The following ITM2B variants were observed in gnomAD, a reference collection of about 807,000 sequenced individuals.
ITM2B encodes the protein integral membrane protein 2B.
Under a neutral mutation model 27.8 loss-of-function variants are expected in ITM2B, and 11 were observed. The ratio of observed to expected loss-of-function variants is 0.40; its 90% CI spans 0.25 to 0.66. The LOEUF is 0.66. ITM2B is among the 30% of genes least tolerant of loss of function. The probability of loss-of-function intolerance (pLI) is 0.43; values close to 1 mark genes in which losing one functional copy is unlikely to be tolerated. For synonymous variants in ITM2B, 114 were observed against 114.3 expected, an observed-to-expected ratio of 1.00 and a Z score of 0.02; for missense variants, 296 against 328.9, an observed-to-expected ratio of 0.90 and a Z score of 0.77.
chr13:48,247,388 G>T (rs1327649521), intron 1 of ITM2B, among the ~76,000 whole-genome samples: 1 of 152,060 alleles, frequency 6.6e-6, no homozygotes, highest in Non-Finnish European at 1.5e-5. Flanking sequence ...AACACTAAGA[G>T]TTGTTTTCCT....
chr13:48,261,311 T>G lies in ITM2B; in HGVS notation c.*87T>G. 2 of 926,606 alleles carry G rather than the reference T, an allele frequency of 2.2e-6. No individual in the cohort carries two copies. The highest frequency in any genetic ancestry group is 3.5e-6 in the Non-Finnish European group (2 of 564,256). 57.4% of individuals were successfully genotyped at this position (926,606 alleles called of 1,614,324 possible). On this transcript the variant is annotated 3_prime_UTR_variant, in exon 6 of 6. Coordinates refer to ENST00000647800, the MANE Select transcript of ITM2B (RefSeq NM_021999.5). ...TTTGTGCAGTGATTATTTTTTAAAG[T>G]CTTCTTTCATGTAAGTAGCAAACAG...
rs9316370 is a variant in ITM2B at position 48,260,529 on chromosome 13, C to T, written c.716-610C>T. Among the ~76,000 whole-genome samples, 1,009 of 143,240 alleles carry T rather than the reference C, an allele frequency of 7.0e-3. 9 individuals carry two copies. Among genetic ancestry groups the T allele is most frequent in the African/African-American group, 0.024 (970 of 40,128 alleles). The allele number at this position is 143,240 out of a possible 152,430, so 94.0% of individuals were successfully genotyped here. On this transcript the variant is annotated intron_variant, in intron 5 of 5. Transcript: ENST00000647800. ...TACCTCCTCCCTCCCTCCCTCCCTT[C>T]CTTATAGTCCTCAGTATGTATCATT...
At chr13:48,255,221 AGTGTGTGTAGTGT>A (rs1314940026) in intron 2 of ITM2B, among the ~76,000 whole-genome samples, 9 of 129,288 alleles carry the variant, frequency 7.0e-5, no homozygotes, top group African/African-American at 3.0e-4. Context: ...TTGTGTGTGT[AGTGTGTGTAGTGT>A]GTGTGTGTGT....
rs79893878 is a variant in ITM2B at position 48,269,127 on chromosome 13, G to T, written c.*7903G>T. Reference sequence around the variant, plus strand: ...TTCCTCCCATGGTTTCCTCATCTCAGCTCCTTTTTTTTTCCAGTTGCACAG... The same window carrying T: ...TTCCTCCCATGGTTTCCTCATCTCATCTCCTTTTTTTTTCCAGTTGCACAG... On this transcript the variant is annotated 3_prime_UTR_variant, in exon 6 of 6. Coordinates refer to ENST00000647800, the MANE Select transcript of ITM2B (RefSeq NM_021999.5). 6.6e-6 allele frequency: 1 copy of T among 152,072 alleles called. No individual in the cohort carries two copies. Among genetic ancestry groups the T allele is most frequent in the East Asian group, 1.9e-4 (1 of 5,186 alleles). 9.4% of individuals were successfully genotyped at this position (152,072 alleles called of 1,614,324 possible). A position where few individuals can be genotyped will look rare whatever the true frequency, so the allele number is the denominator to read the frequency against.
At chr13:48,255,718 A>T (rs1400028246) in intron 2 of ITM2B, among the ~76,000 whole-genome samples, 1 of 152,256 alleles carries the variant, frequency 6.6e-6, no homozygotes, top group African/African-American at 2.4e-5. Flanking sequence ...GTATATGCAT[A>T]TAGAAATTTC....
rs1281525704 is a variant in ITM2B, at chr13:48,261,359, A to G, written c.*135A>G. On this transcript the variant is annotated 3_prime_UTR_variant, in exon 6 of 6. Coordinates refer to ENST00000647800, the MANE Select transcript of ITM2B (RefSeq NM_021999.5). Reference sequence around the variant, plus strand: ...CAGGGCTTTACTATCTTTTCATCTCATTAATTCAATTAAAACCATTACCTT... The same window carrying G: ...CAGGGCTTTACTATCTTTTCATCTCGTTAATTCAATTAAAACCATTACCTT... The G allele has an allele frequency of 1.5e-6, 1 of 667,562 alleles. No individual in the cohort carries two copies. The highest frequency in any genetic ancestry group is 1.8e-5 in the African/African-American group (1 of 54,712). The allele number at this position is 667,562 out of a possible 1,614,324, so 41.4% of individuals were successfully genotyped here. A position where few individuals can be genotyped will look rare whatever the true frequency, so the allele number is the denominator to read the frequency against.
intron 1 of ITM2B, among the ~76,000 whole-genome samples, chr13:48,238,713 T>C (rs910406556): frequency 6.6e-6 from 1 of 152,186 alleles, no homozygotes; most frequent in Non-Finnish European, 1.5e-5. Context: ...CTTTGAAATT[T>C]TGAAATATTT....
chr13:48,257,998 T>C (rs1951799737), intron 3 of ITM2B, 128 bp from the exon 4 acceptor site: 5 of 632,544 alleles, frequency 7.9e-6, no homozygotes, highest in African/African-American at 7.3e-5. Context: ...TCTGAATTTG[T>C]TGAAATGCAA....
At chr13:48,249,793 T>A (rs1951743043) in intron 1 of ITM2B, among the ~76,000 whole-genome samples, 1 of 152,172 alleles carries the variant, frequency 6.6e-6, no homozygotes, top group African/African-American at 2.4e-5. Flanking sequence ...CACCCTTTGC[T>A]AGTTTGCAAA....
intron 1 of ITM2B, among the ~76,000 whole-genome samples, chr13:48,251,389 A>G (rs573235368): frequency 2.6e-5 from 4 of 152,106 alleles, no homozygotes; most frequent in East Asian, 1.9e-4. Flanking sequence ...GCATTTTCCT[A>G]TTAGAGTTTG....
At chr13:48,248,623 A>G (rs1049568485) in intron 1 of ITM2B, among the ~76,000 whole-genome samples, 2 of 152,142 alleles carry the variant, frequency 1.3e-5, no homozygotes, top group African/African-American at 2.4e-5. Flanking sequence ...GAGGTGTCCA[A>G]TCTTTTGGCT....
Position 48,263,593 on chromosome 13 carries a change from G to A in ITM2B, c.*2369G>A, listed in dbSNP as rs754782377. On this transcript the variant is annotated 3_prime_UTR_variant, in exon 6 of 6. Transcript: ENST00000647800. ...TCTTGAGTTCTGTCTTAGTCCATTC[G>A]GGCTACTATAACAAAATACCATAGA... 6 of 151,996 alleles carry A rather than the reference G, an allele frequency of 3.9e-5. No homozygotes were observed. Among genetic ancestry groups the A allele is most frequent in the Non-Finnish European group, 1.5e-5 (1 of 68,022 alleles). The allele number at this position is 151,996 out of a possible 1,614,324, so 9.4% of individuals were successfully genotyped here. A position where few individuals can be genotyped will look rare whatever the true frequency, so the allele number is the denominator to read the frequency against.
intron 1 of ITM2B, among the ~76,000 whole-genome samples, chr13:48,250,627 A>C (rs1341698238): frequency 6.6e-6 from 1 of 152,152 alleles, no homozygotes; most frequent in Non-Finnish European, 1.5e-5. Flanking sequence ...CAAAAAAAAA[A>C]AAAAGATCTA....
At chr13:48,251,440 G>A (rs1284381842) in intron 1 of ITM2B, among the ~76,000 whole-genome samples, 1 of 151,932 alleles carries the variant, frequency 6.6e-6, no homozygotes, top group Admixed American at 6.6e-5. Context: ...TCTGTTTTCC[G>A]GACTGATCTA....
chr13:48,258,556 CG>C (rs1566164081), intron 4 of ITM2B, among the ~76,000 whole-genome samples: 1 of 152,000 alleles, frequency 6.6e-6, no homozygotes, highest in Admixed American at 6.6e-5. Flanking sequence ...AAAAACAAGC[CG>C]GGGGCGGTGG....
In ITM2B at chr13:48,266,594, C is replaced by T. The variant is rs1951854695; in HGVS notation, c.*5370C>T. 6.6e-6 allele frequency: 1 copy of T among 152,124 alleles called. No individual in the cohort carries two copies. Among genetic ancestry groups the T allele is most frequent in the South Asian group, 2.1e-4 (1 of 4,828 alleles). 9.4% of individuals were successfully genotyped at this position (152,124 alleles called of 1,614,324 possible). ...AGAAAAAAAGGAAATACGGTATCTA[C>T]TTCACTAAAACCAAAGGGGGTTTTT... On this transcript the variant is annotated 3_prime_UTR_variant, in exon 6 of 6. Coordinates refer to ENST00000647800, the MANE Select transcript of ITM2B (RefSeq NM_021999.5).
At chr13:48,260,958 T>C (rs539607569) in intron 5 of ITM2B, among the ~76,000 whole-genome samples, 181 bp from the exon 6 acceptor site, 5 of 152,194 alleles carry the variant, frequency 3.3e-5, no homozygotes, top group Admixed American at 6.5e-5. Context: ...AAGATATTAA[T>C]ACTTGGTTCA....
At chr13:48,233,506 G>C in intron 1 of ITM2B, 29 bp downstream of exon 1, 1 of 1,451,282 alleles carries the variant, frequency 6.9e-7, no homozygotes, top group Non-Finnish European at 9.3e-7. Flanking sequence ...CGAGGAAGCG[G>C]GTGCTGGGCC....
At chr13:48,252,412 A>T (rs1951760643) in intron 1 of ITM2B, among the ~76,000 whole-genome samples, 1 of 152,166 alleles carries the variant, frequency 6.6e-6, no homozygotes, top group Non-Finnish European at 1.5e-5. Flanking sequence ...CTCCTCTCAG[A>T]TCAGCGGGGG....
Sources: allele counts gnomAD v4.1 joint callset (sites outside exome capture counted in the v4.1 genomes callset), GRCh38; gene constraint gnomAD v4.1.1; transcripts MANE v1.5; gene names NCBI Gene and HGNC (gene_info 2026-07-23, HGNC 2026-07-21).